TCN1: variants seen among roughly 807,000 people sequenced by gnomAD.
TCN1 encodes transcobalamin 1.
In TCN1, 47 loss-of-function variants were observed where a neutral mutation model predicts 46.3. The observed-to-expected ratio is 1.01, with a 90% CI of 0.80 to 1.29. The LOEUF (loss-of-function observed/expected upper bound fraction) is 1.29, where lower values mean the gene tolerates loss of function less well. Ranked by LOEUF, TCN1 falls within the 50% of genes most tolerant of loss-of-function variation. TCN1 has a pLI of 0.00. For synonymous variants in TCN1, 183 were observed against 192.5 expected (o/e 0.95, Z 0.41); for missense variants, 532 against 511.0 (o/e 1.04, Z -0.40).
chr11:59,862,760 C>T (rs770109285), intron 2 of TCN1, 38 bp from the exon 3 acceptor site: 1 of 1,610,836 alleles, frequency 6.2e-7, no homozygotes, highest in South Asian at 1.1e-5. Flanking sequence ...AAGGTACAGG[C>T]TTGTGATTTT....
At position 59,866,437 on chromosome 11, in the gene TCN1, GC is replaced by G. The variant is rs770476986; in HGVS notation, c.33del (p.Leu12SerfsTer17). MRQSHQLPLV[G>X]LLLFSFIPSQ... The stretch of plus-strand genomic sequence containing the variant: ...CTTGGAATAAAAGAAAACAGTAAGA[GC>G]CCCACTAGGGGCAGCTGGTGTGACT... On this transcript the variant is annotated frameshift_variant, in exon 1 of 9. Coordinates refer to ENST00000257264, the MANE Select transcript of TCN1 (RefSeq NM_001062.4). LOFTEE classifies it high-confidence loss of function. 9 of 1,613,530 alleles carry G rather than the reference GC, an allele frequency of 5.6e-6. No homozygotes were observed. The highest frequency in any genetic ancestry group is 7.6e-6 in the Non-Finnish European group (9 of 1,179,538).
At chr11:59,853,463 T>C in intron 7 of TCN1, 142 bp from the exon 8 acceptor site, 1 of 817,326 alleles carries the variant, frequency 1.2e-6, no homozygotes, top group East Asian at 2.6e-5. Flanking sequence ...TCCATAGATA[T>C]TTTTATTTTT....
intron 3 of TCN1, 111 bp downstream of exon 3, chr11:59,862,471 T>G: frequency 7.4e-7 from 1 of 1,347,686 alleles, no homozygotes; most frequent in Non-Finnish European, 1.1e-6. Context: ...AAAGACATAG[T>G]GAGATGAACG....
At chr11:59,863,195 A>G (rs1853036028) in intron 2 of TCN1, among the ~76,000 whole-genome samples, 1 of 152,152 alleles carries the variant, frequency 6.6e-6, no homozygotes, top group African/African-American at 2.4e-5. Flanking sequence ...TTTATCCTCA[A>G]AGCAGAGCCT....
Position 59,857,016 on chromosome 11 carries a change from G to T in TCN1, c.748-958C>A, listed in dbSNP as rs532563985. ...AGTTTCCCAGGGATGGACAGTTCCT[G>T]TTTTCATCTTTTCTTGGAGGTTCTT... On this transcript the variant is annotated intron_variant, in intron 5 of 8. Coordinates refer to ENST00000257264, the MANE Select transcript of TCN1 (RefSeq NM_001062.4). 3.3e-5 allele frequency among the ~76,000 whole-genome samples: 5 copies of T among 152,184 alleles called. No homozygotes were observed. In the South Asian group the frequency reaches 8.3e-4, roughly 25 times the overall value.
intron 3 of TCN1, among the ~76,000 whole-genome samples, chr11:59,862,360 C>T (rs1853024024): frequency 6.6e-6 from 1 of 151,848 alleles, no homozygotes; most frequent in Non-Finnish European, 1.5e-5. Flanking sequence ...TTTCTGCCAT[C>T]ATATGTAAAG....
chr11:59,853,361 G>T, intron 7 of TCN1, 40 bp from the exon 8 acceptor site: 1 of 1,568,528 alleles, frequency 6.4e-7, no homozygotes, highest in Non-Finnish European at 8.8e-7. Context: ...ACTTAGAATT[G>T]TCAAAGGAAA....
chr11:59,861,759 C>A lies in TCN1; in HGVS notation c.401-77G>T, dbSNP rs565721984. The A allele has an allele frequency of 1.0e-5, 15 of 1,507,010 alleles. 1 individual carries two copies. The highest frequency in any genetic ancestry group is 3.4e-4 in the Middle Eastern group (2 of 5,838). The allele number at this position is 1,507,010 out of a possible 1,614,324, so 93.4% of individuals were successfully genotyped here. ...TGCATTTTCCATCTATTCCTACTTA[C>A]TCTATTTTAATTTCTTTACATTTAA... On this transcript the variant is annotated intron_variant, in intron 3 of 8. Coordinates refer to ENST00000257264, the MANE Select transcript of TCN1 (RefSeq NM_001062.4).
intron 2 of TCN1, among the ~76,000 whole-genome samples, chr11:59,863,160 G>A (rs1307622279): frequency 1.3e-5 from 2 of 152,148 alleles, no homozygotes; most frequent in East Asian, 1.9e-4. Context: ...ATGCATTCCT[G>A]TATGAATATT....
In TCN1 at chr11:59,855,915, C is replaced by G. The variant is rs372762993; in HGVS notation, c.891G>C (p.Lys297Asn). Residue 297 changes from lysine to asparagine, a missense_variant, in exon 6 of 9, where the codon AAG becomes AAC. By Grantham distance (94) the Lys-to-Asn change is moderately conservative. Coordinates refer to ENST00000257264, the MANE Select transcript of TCN1 (RefSeq NM_001062.4). Reference protein sequence around the residue: ...AAQVLPALMGKTFLDINKDSS... With the variant: ...AAQVLPALMGNTFLDINKDSS... ...AGTCTTTGTTAATATCCAAGAAGGT[C>G]TTTCCCATCAGGGCAGGTAAGACCT... 6.2e-6 allele frequency: 10 copies of G among 1,613,896 alleles called. No homozygotes were observed. The highest frequency in any genetic ancestry group is 8.5e-6 in the Non-Finnish European group (10 of 1,179,808).
At chr11:59,864,577 G>C (rs903236047) in intron 1 of TCN1, among the ~76,000 whole-genome samples, 9 of 151,982 alleles carry the variant, frequency 5.9e-5, no homozygotes, top group African/African-American at 2.2e-4. Flanking sequence ...TGTTATACTG[G>C]TGATTGACCC....
At position 59,853,612 on chromosome 11, in the gene TCN1, G is replaced by A. The variant is rs1007706043; in HGVS notation, c.1122-291C>T. On this transcript the variant is annotated intron_variant, in intron 7 of 8. Transcript: ENST00000257264. The stretch of plus-strand genomic sequence containing the variant: ...TCTCCCCACCTGCCATGGTAGATAG[G>A]TTTCAGATAACAGCTTCAACCTTCC... 2.6e-5 allele frequency among the ~76,000 whole-genome samples: 4 copies of A among 152,200 alleles called. 1 individual carries two copies. In the South Asian group the frequency reaches 8.3e-4, roughly 31 times the overall value.
At chr11:59,854,585 ATGCATTCTTAC>A in intron 7 of TCN1, 56 bp downstream of exon 7, 1 of 1,531,356 alleles carries the variant, frequency 6.5e-7, no homozygotes, top group Non-Finnish European at 9.0e-7. Context: ...TTAGGTGCAA[ATGCATTCTTAC>A]TGCATCTTTA....
In TCN1 at chr11:59,852,888, G is replaced by A; in HGVS notation, c.*87C>T. The A allele has an allele frequency of 8.3e-7, 1 of 1,211,224 alleles. No homozygotes were observed. Among genetic ancestry groups the A allele is most frequent in the Non-Finnish European group, 1.2e-6 (1 of 812,796 alleles). The allele number at this position is 1,211,224 out of a possible 1,614,324, so 75.0% of individuals were successfully genotyped here. A position where few individuals can be genotyped will look rare whatever the true frequency, so the allele number is the denominator to read the frequency against. On this transcript the variant is annotated 3_prime_UTR_variant, in exon 9 of 9. Coordinates refer to ENST00000257264, the MANE Select transcript of TCN1 (RefSeq NM_001062.4). Reference sequence around the variant, plus strand: ...GTTATTAACTCTCCTGCTCGTACTGGGATAAATGAAGAAGAAGGCATAAGG... The same window carrying A: ...GTTATTAACTCTCCTGCTCGTACTGAGATAAATGAAGAAGAAGGCATAAGG...
intron 4 of TCN1, among the ~76,000 whole-genome samples, chr11:59,860,365 G>T (rs917145045): frequency 6.6e-6 from 1 of 151,856 alleles, no homozygotes. Context: ...CCGACCTCAG[G>T]TGATCCACCC....
At chr11:59,860,539 T>A (rs1459969262) in intron 4 of TCN1, among the ~76,000 whole-genome samples, 1 of 152,122 alleles carries the variant, frequency 6.6e-6, no homozygotes, top group African/African-American at 2.4e-5. Flanking sequence ...CACTTTTACA[T>A]CTTGGTTGCT....
chr11:59,866,016 C>T (rs1425795752), intron 1 of TCN1, among the ~76,000 whole-genome samples: 1 of 152,008 alleles, frequency 6.6e-6, no homozygotes, highest in Non-Finnish European at 1.5e-5. Context: ...CATTGAATTT[C>T]AGGGAAAAAA....
chr11:59,856,359 A>G (rs1852938294), intron 5 of TCN1, among the ~76,000 whole-genome samples: 1 of 152,152 alleles, frequency 6.6e-6, no homozygotes, highest in South Asian at 2.1e-4. Flanking sequence ...GCTGGGAAAT[A>G]CCTGTCATAT....
At chr11:59,860,761 C>G (rs1012559986) in intron 4 of TCN1, among the ~76,000 whole-genome samples, 1 of 152,198 alleles carries the variant, frequency 6.6e-6, no homozygotes, top group South Asian at 2.1e-4. Context: ...GATAAGGACA[C>G]GTTTTCTGGC....
Sources: gnomAD v4.1 joint callset for allele counts (sites outside exome capture counted in the v4.1 genomes callset) on GRCh38, gnomAD v4.1.1 for gene constraint, MANE v1.5 for transcripts, NCBI Gene and HGNC (gene_info 2026-07-23, HGNC 2026-07-21) for gene names.